TMCO5A: variants seen among roughly 807,000 people sequenced by gnomAD.
The protein encoded by TMCO5A is transmembrane and coiled-coil domains 5A, also known as transmembrane and coiled-coil domain-containing protein 5A.
Under a neutral mutation model 42.3 loss-of-function variants are expected in TMCO5A, and 34 were observed. The observed-to-expected ratio is 0.80, with a 90% CI of 0.61 to 1.07. The LOEUF (loss-of-function observed/expected upper bound fraction) is 1.07. Among genes scored for constraint, TMCO5A ranks in the 50% least tolerant of loss-of-function variants. The pLI is 0.00. For synonymous variants in TMCO5A, 131 were observed against 115.6 expected (o/e 1.13, Z -0.86); for missense variants, 357 against 327.9 (o/e 1.09, Z -0.69).
In TMCO5A at chr15:37,943,278, T is replaced by C. The variant is rs540531121; in HGVS notation, c.570-63T>C. On this transcript the variant is annotated intron_variant, in intron 9 of 11. Coordinates refer to ENST00000319669, the MANE Select transcript of TMCO5A (RefSeq NM_152453.4). ...ATATAAAGCTTTTTTAAAATAACCA[T>C]AGTGTAGTATGAATATTTCAGTGCA... The C allele has an allele frequency of 6.7e-6, 10 of 1,494,526 alleles. No individual in the cohort carries two copies. The African/African-American group carries it at 1.2e-4, about 19-fold the overall frequency. The allele number at this position is 1,494,526 out of a possible 1,614,324, so 92.6% of individuals were successfully genotyped here. A position where few individuals can be genotyped will look rare whatever the true frequency, so the allele number is the denominator to read the frequency against.
At chr15:37,997,950 A>G in the TMCO5A span, among the ~76,000 whole-genome samples, 3 of 152,136 alleles carry the variant, frequency 2.0e-5, no homozygotes, top group South Asian at 2.1e-4. Flanking sequence ...CTGATGATCA[A>G]TTATGTTGAG....
chr15:38,027,829 CT>C, the TMCO5A span, among the ~76,000 whole-genome samples: 1 of 152,138 alleles, frequency 6.6e-6, no homozygotes, highest in Non-Finnish European at 1.5e-5. Context: ...GGGTTTCCCT[CT>C]TTGCTTGGTT....
At chr15:37,937,850 C>G (rs1309035913) in intron 5 of TMCO5A, among the ~76,000 whole-genome samples, 2 of 152,130 alleles carry the variant, frequency 1.3e-5, no homozygotes, top group African/African-American at 4.8e-5. Flanking sequence ...CAATGACTAC[C>G]CTACTCTCTG....
chr15:37,995,952 G>A, the TMCO5A span, among the ~76,000 whole-genome samples: 1 of 151,986 alleles, frequency 6.6e-6, no homozygotes, highest in Admixed American at 6.6e-5. Flanking sequence ...AATGAAAACA[G>A]TTCCACTTCC....
the TMCO5A span, among the ~76,000 whole-genome samples, chr15:37,982,510 T>TTATATATTATCTATATATAATAGA: frequency 1.5e-5 from 2 of 137,296 alleles, no homozygotes; most frequent in African/African-American, 5.7e-5. Context: ...ATAATAGATA[T>TTATATATTATCTATATATAATAGA]TATATATTAT....
the TMCO5A span, among the ~76,000 whole-genome samples, chr15:38,034,569 T>C: frequency 6.6e-6 from 1 of 152,184 alleles, no homozygotes; most frequent in African/African-American, 2.4e-5. Context: ...TTTCCCTGGC[T>C]CCACCTCCCC....
Position 37,936,418 on chromosome 15 carries a change from A to G in TMCO5A, c.95A>G (p.Gln32Arg). ...ACGCAGAGAATAGATGAAGCAAATCAGAAACTTCTTCTCAAAATCCAAGAG... is the reference window on the plus strand; with the variant it reads ...ACGCAGAGAATAGATGAAGCAAATCGGAAACTTCTTCTCAAAATCCAAGAG... The part of the protein sequence containing the change: ...RDTQRIDEAN[Q>R]KLLLKIQERE... Residue 32 changes from glutamine (Q) to arginine (R), a missense_variant, in exon 3 of 12, where the codon CAG becomes CGG. Gln to Arg is a conservative substitution (Grantham distance 43). Coordinates refer to ENST00000319669, the MANE Select transcript of TMCO5A (RefSeq NM_152453.4). 1 of 1,613,184 alleles carries G rather than the reference A, an allele frequency of 6.2e-7. No homozygotes were observed. Among genetic ancestry groups the G allele is most frequent in the African/African-American group, 1.3e-5 (1 of 74,976 alleles).
chr15:38,007,162 A>G, the TMCO5A span, among the ~76,000 whole-genome samples: 1 of 152,252 alleles, frequency 6.6e-6, no homozygotes, highest in Non-Finnish European at 1.5e-5. Flanking sequence ...CCCATGAACC[A>G]TAGTTTACTG....
At chr15:37,943,056 T>C (rs1889806687) in intron 9 of TMCO5A, 3 of 297,704 alleles carry the variant, frequency 1.0e-5, no homozygotes, top group Non-Finnish European at 1.9e-5. Context: ...CATTGGTTTA[T>C]GGCTTAACTG....
the TMCO5A span, among the ~76,000 whole-genome samples, chr15:38,026,557 AG>A: frequency 6.6e-6 from 1 of 152,252 alleles, no homozygotes; most frequent in African/African-American, 2.4e-5. Context: ...ACAATGTGAT[AG>A]AAAAGAAAAC....
the TMCO5A span, among the ~76,000 whole-genome samples, chr15:37,989,829 C>G: frequency 6.6e-6 from 1 of 151,980 alleles, no homozygotes; most frequent in Non-Finnish European, 1.5e-5. Context: ...TGAACACGGT[C>G]CTCACACAGC....
At chr15:37,948,793 ACTCCTAGGAT>A (rs1890055088) in intron 11 of TMCO5A, among the ~76,000 whole-genome samples, 2 of 151,986 alleles carry the variant, frequency 1.3e-5, no homozygotes, top group South Asian at 2.1e-4. Context: ...AAGCTAGGCT[ACTCCTAGGAT>A]TTTCCCTGGG....
At chr15:38,006,412 G>A in the TMCO5A span, among the ~76,000 whole-genome samples, 2 of 152,168 alleles carry the variant, frequency 1.3e-5, no homozygotes, top group South Asian at 2.1e-4. Context: ...CTCAGGATTG[G>A]TTGGAGAATT....
the TMCO5A span, among the ~76,000 whole-genome samples, chr15:37,973,944 C>T: frequency 3.9e-5 from 6 of 152,040 alleles, no homozygotes; most frequent in Non-Finnish European, 7.4e-5. Flanking sequence ...CCTTCATTGC[C>T]TAGTGTATCA....
Position 37,941,202 on chromosome 15 carries a change from C to T in TMCO5A, c.441C>T (p.Leu147=), listed in dbSNP as rs766084217. The change falls in exon 7 of 12, where the codon CTC becomes CTT. Residue 147 remains leucine (L), a synonymous_variant. Coordinates refer to ENST00000319669, the MANE Select transcript of TMCO5A (RefSeq NM_152453.4). ...ASYACQEKEL[L]KVMKEYAFVT... is the part of the protein sequence containing the mutation. ...ATGCATGCCAAGAGAAGGAGCTGCT[C>T]AAGGTAACAGCAGGAACTTCAATGT... The T allele has an allele frequency of 1.1e-5, 17 of 1,612,920 alleles. No homozygotes were observed. Among genetic ancestry groups the T allele is most frequent in the Non-Finnish European group, 1.4e-5 (17 of 1,179,484 alleles).
At chr15:37,946,985 G>A (rs1008523355) in intron 10 of TMCO5A, among the ~76,000 whole-genome samples, 1 of 151,920 alleles carries the variant, frequency 6.6e-6, no homozygotes, top group African/African-American at 2.4e-5. Context: ...TATTGGCTGT[G>A]GATTTGTCAT....
Position 37,947,691 on chromosome 15 carries a change from T to G in TMCO5A, c.663T>G (p.Ser221Arg). The G allele has an allele frequency of 6.3e-7, 1 of 1,598,378 alleles. No homozygotes were observed. The highest frequency in any genetic ancestry group is 8.5e-7 in the Non-Finnish European group (1 of 1,169,634). Reference sequence around the variant, plus strand: ...CCCAAAAGACAGCAAGATTATTCAGTAAAAAGTAAGTAAAATATCTTCAGG... The same window carrying G: ...CCCAAAAGACAGCAAGATTATTCAGGAAAAAGTAAGTAAAATATCTTCAGG... Reference protein sequence around the residue: ...TPTQKTARLFSKKIFCCLFFI... With the variant: ...TPTQKTARLFRKKIFCCLFFI... Residue 221 changes from serine to arginine, a missense_variant, in exon 11 of 12, where the codon AGT (serine) becomes AGG (arginine). Transcript: ENST00000319669.
At chr15:37,966,791 C>G in exon 12 of TMCO5A, 2 of 681,128 alleles carry the variant, frequency 2.9e-6, no homozygotes, top group Non-Finnish European at 5.3e-6. Context: ...CCCTGTCCCA[C>G]AGTCAATGTG....
At chr15:37,977,246 A>T in the TMCO5A span, among the ~76,000 whole-genome samples, 1 of 152,152 alleles carries the variant, frequency 6.6e-6, no homozygotes, top group Non-Finnish European at 1.5e-5. Flanking sequence ...GTGAAGAACC[A>T]TTGTTGGGGA....
Sources: allele counts gnomAD v4.1 joint callset (sites outside exome capture counted in the v4.1 genomes callset), GRCh38; gene constraint gnomAD v4.1.1; transcripts MANE v1.5; gene names NCBI Gene and HGNC (gene_info 2026-07-23, HGNC 2026-07-21).